Variants in NOL4 observed in about 807,000 individuals in gnomAD.
NOL4 encodes the protein cancer/testis antigen 125.
In NOL4, 17 loss-of-function variants were observed where a neutral mutation model predicts 75.9. The ratio of observed to expected loss-of-function variants is 0.22; its 90% confidence interval spans 0.15 to 0.34. The LOEUF is 0.34. Ranked by LOEUF, NOL4 falls within the 10% of genes least tolerant of loss-of-function variation. NOL4 has a pLI of 1.00. For synonymous variants in NOL4, 292 were observed against 289.9 expected (o/e 1.01, Z -0.07); for missense variants, 614 against 793.5 (o/e 0.77, Z 2.72).
At chr18:34,130,454 A>G (rs2080586441) in intron 1 of NOL4, among the ~76,000 whole-genome samples, 1 of 151,784 alleles carries the variant, frequency 6.6e-6, no homozygotes, top group African/African-American at 2.4e-5. Flanking sequence ...GAAAAAAATG[A>G]TACAGAGTTA....
intron 9 of NOL4, among the ~76,000 whole-genome samples, chr18:33,914,324 A>C (rs942998818): frequency 2.0e-5 from 3 of 152,106 alleles, no homozygotes; most frequent in Admixed American, 1.3e-4. Flanking sequence ...ACTGTGTCAA[A>C]ACACTACAAG....
At chr18:34,123,149 G>A (rs2080224899) in intron 2 of NOL4, among the ~76,000 whole-genome samples, 2 of 147,284 alleles carry the variant, frequency 1.4e-5, no homozygotes, top group Admixed American at 6.9e-5. Context: ...CCACTACCAA[G>A]AAGACAGCTT....
chr18:33,997,413 G>T (rs1256413005), intron 6 of NOL4, among the ~76,000 whole-genome samples: 1 of 151,440 alleles, frequency 6.6e-6, no homozygotes, highest in African/African-American at 2.4e-5. Flanking sequence ...GGTCTCTATT[G>T]TTTTTGATTG....
intron 1 of NOL4, among the ~76,000 whole-genome samples, chr18:34,146,565 G>A (rs2081402638): frequency 6.6e-6 from 1 of 152,084 alleles, no homozygotes; most frequent in South Asian, 2.1e-4. Flanking sequence ...TGAGGCCTCT[G>A]TTCTGTTCCA....
intron 10 of NOL4, among the ~76,000 whole-genome samples, chr18:33,853,917 A>T (rs2062729259): frequency 6.6e-6 from 1 of 152,070 alleles, no homozygotes; most frequent in Non-Finnish European, 1.5e-5. Context: ...AAAATCTTTT[A>T]TTCAGTCATT....
At chr18:34,214,993 C>A (rs1219155402) in intron 1 of NOL4, among the ~76,000 whole-genome samples, 1 of 152,054 alleles carries the variant, frequency 6.6e-6, no homozygotes, top group Non-Finnish European at 1.5e-5. Context: ...TAAAATGGCA[C>A]TTCACCAAGT....
chr18:33,960,549 T>C (rs556426585), intron 6 of NOL4, among the ~76,000 whole-genome samples: 2 of 152,258 alleles, frequency 1.3e-5, no homozygotes, highest in East Asian at 3.9e-4. Flanking sequence ...TTACATTAAG[T>C]ATCACTACAC....
intron 6 of NOL4, among the ~76,000 whole-genome samples, chr18:33,983,325 T>G (rs529201933): frequency 5.0e-4 from 76 of 152,174 alleles, no homozygotes; most frequent in Middle Eastern, 3.4e-3. Flanking sequence ...TAATGTGAAC[T>G]ATGGACTTTA....
intron 6 of NOL4, among the ~76,000 whole-genome samples, chr18:34,017,218 T>A (rs2074747765): frequency 6.6e-6 from 1 of 152,192 alleles, no homozygotes; most frequent in African/African-American, 2.4e-5. Context: ...AAGTATTGTC[T>A]GTACTTGTTC....
intron 3 of NOL4, among the ~76,000 whole-genome samples, chr18:34,104,452 TCTTTG>T (rs1353432510): frequency 1.3e-5 from 2 of 152,130 alleles, no homozygotes; most frequent in East Asian, 3.9e-4. Context: ...GTATTTTTCT[TCTTTG>T]CTTTACTTTC....
At chr18:33,947,326 A>C (rs2068906333) in intron 8 of NOL4, among the ~76,000 whole-genome samples, 2 of 151,744 alleles carry the variant, frequency 1.3e-5, no homozygotes, top group Admixed American at 1.3e-4. Flanking sequence ...GGTCTTTCTA[A>C]AACATAATTA....
intron 4 of NOL4, among the ~76,000 whole-genome samples, chr18:34,095,245 A>ATGTGTGTGTGTGTGTG (rs761927350): frequency 1.0e-3 from 94 of 94,328 alleles, no homozygotes; most frequent in Non-Finnish European, 1.3e-3. Flanking sequence ...CTAAATTCTA[A>ATGTGTGTGTGTGTGTG]TGTGTATGTG....
chr18:33,885,572 C>T (rs750800064), intron 9 of NOL4, among the ~76,000 whole-genome samples: 1 of 152,212 alleles, frequency 6.6e-6, no homozygotes, highest in Non-Finnish European at 1.5e-5. Flanking sequence ...TGAAAAGGTG[C>T]TCAACATCAT....
At chr18:33,889,514 G>C (rs1353430978) in intron 9 of NOL4, among the ~76,000 whole-genome samples, 1 of 152,038 alleles carries the variant, frequency 6.6e-6, no homozygotes, top group Non-Finnish European at 1.5e-5. Context: ...AGAAAAAGAG[G>C]GAAACCTCCC....
chr18:33,891,609 G>A (rs1267755372), intron 9 of NOL4, among the ~76,000 whole-genome samples: 1 of 152,062 alleles, frequency 6.6e-6, no homozygotes, highest in Non-Finnish European at 1.5e-5. Context: ...TGGCTCTTCT[G>A]AAAAATACAA....
intron 6 of NOL4, among the ~76,000 whole-genome samples, chr18:34,002,375 G>C (rs1361489826): frequency 6.6e-6 from 1 of 151,974 alleles, no homozygotes; most frequent in Non-Finnish European, 1.5e-5. Flanking sequence ...TAGACCTTTA[G>C]CTTAGAATGC....
intron 4 of NOL4, among the ~76,000 whole-genome samples, chr18:34,096,331 A>T (rs2078776537): frequency 6.6e-6 from 1 of 152,076 alleles, no homozygotes; most frequent in African/African-American, 2.4e-5. Flanking sequence ...ATTAGAATTC[A>T]ATTGTTATAC....
chr18:34,185,054 G>C (rs1211137733), intron 1 of NOL4, among the ~76,000 whole-genome samples: 1 of 151,926 alleles, frequency 6.6e-6, no homozygotes, highest in Non-Finnish European at 1.5e-5. Flanking sequence ...CCTAGTTAAG[G>C]CTTTCAGTTA....
At chr18:33,980,249 A>T (rs2071843614) in intron 6 of NOL4, among the ~76,000 whole-genome samples, 1 of 152,014 alleles carries the variant, frequency 6.6e-6, no homozygotes, top group South Asian at 2.1e-4. Flanking sequence ...GTAATTGACA[A>T]ATTTCTGGAA....
Sources: allele counts gnomAD v4.1 joint callset (sites outside exome capture counted in the v4.1 genomes callset), GRCh38; gene constraint gnomAD v4.1.1; transcripts MANE v1.5; gene names NCBI Gene and HGNC (gene_info 2026-07-23, HGNC 2026-07-21).